The following MTRF1 variants were observed in gnomAD, a reference collection of about 807,000 sequenced individuals.
The protein encoded by MTRF1 is mitochondrial translation release factor 1.
MTRF1 carries 51 observed loss-of-function variants against 62.9 expected under a neutral mutation model. The ratio of observed to expected loss-of-function variants is 0.81; its 90% CI spans 0.65 to 1.02. The LOEUF (loss-of-function observed/expected upper bound fraction) is 1.02, where lower values mean the gene tolerates loss of function less well. Among genes scored for constraint, MTRF1 ranks in the 50% least tolerant of loss-of-function variants. The pLI, the probability that MTRF1 is intolerant of heterozygous loss-of-function variation, is 0.00. For synonymous variants in MTRF1, 158 were observed against 181.9 expected (o/e 0.87, Z 1.06); for missense variants, 446 against 530.0 (o/e 0.84, Z 1.56).
At chr13:41,296,563 G>C in the MTRF1 span, among the ~76,000 whole-genome samples, 3 of 152,032 alleles carry the variant, frequency 2.0e-5, no homozygotes, top group Non-Finnish European at 4.4e-5. Context: ...AAATTGTACG[G>C]TAGGCATTGT....
At chr13:41,240,170 A>C in intron 6 of MTRF1, 91 bp downstream of exon 6, 2 of 1,381,964 alleles carry the variant, frequency 1.4e-6, no homozygotes, top group Non-Finnish European at 2.0e-6. Flanking sequence ...CTCAAAAAAA[A>C]AAAAAAGGAC....
At chr13:41,297,209 T>C in the MTRF1 span, among the ~76,000 whole-genome samples, 1 of 152,274 alleles carries the variant, frequency 6.6e-6, no homozygotes, top group South Asian at 2.1e-4. Flanking sequence ...TGCTGATTCT[T>C]TTTGTATTTT....
chr13:41,258,080 A>G (rs2039962102), intron 2 of MTRF1, among the ~76,000 whole-genome samples: 1 of 152,240 alleles, frequency 6.6e-6, no homozygotes, highest in African/African-American at 2.4e-5. Context: ...CTTCTACTAT[A>G]CACAAGCAAC....
chr13:41,289,526 G>A, the MTRF1 span, among the ~76,000 whole-genome samples: 3 of 152,112 alleles, frequency 2.0e-5, no homozygotes, highest in Non-Finnish European at 4.4e-5. Context: ...GTGAGCCGCC[G>A]TGCCCAGCCG....
the MTRF1 span, among the ~76,000 whole-genome samples, chr13:41,275,498 CTTT>C: frequency 1.4e-4 from 20 of 139,282 alleles, no homozygotes; most frequent in African/African-American, 4.7e-4. Context: ...CCGTGCCCGG[CTTT>C]TTTTTTTTGA....
chr13:41,311,312 G>A, the MTRF1 span: 1 of 551,624 alleles, frequency 1.8e-6, no homozygotes, highest in Non-Finnish European at 3.2e-6. Flanking sequence ...AAAAAGCGGA[G>A]CCCAGGGGAA....
chr13:41,266,178 C>T (rs2040835791), upstream of MTRF1, among the ~76,000 whole-genome samples: 1 of 151,468 alleles, frequency 6.6e-6, no homozygotes, highest in African/African-American at 2.4e-5. Flanking sequence ...ATGGGGGTCT[C>T]ACTATGTTGA....
chr13:41,291,727 T>A, the MTRF1 span, among the ~76,000 whole-genome samples: 22 of 152,226 alleles, frequency 1.4e-4, no homozygotes, highest in African/African-American at 5.3e-4. Context: ...ACAGAACAGC[T>A]ACAGAACAAG....
At chr13:41,219,513 C>A (rs2032753730) in intron 9 of MTRF1, among the ~76,000 whole-genome samples, 1 of 151,790 alleles carries the variant, frequency 6.6e-6, no homozygotes, top group African/African-American at 2.4e-5. Context: ...TAGACAAATA[C>A]ATAAGCATCA....
chr13:41,249,429 T>C (rs2038732073), intron 5 of MTRF1, among the ~76,000 whole-genome samples: 1 of 151,524 alleles, frequency 6.6e-6, no homozygotes, highest in Admixed American at 6.6e-5. Context: ...TAGTCCCAGC[T>C]ACTCAGGAGG....
chr13:41,290,583 T>TG, the MTRF1 span, among the ~76,000 whole-genome samples: 1 of 137,508 alleles, frequency 7.3e-6, no homozygotes, highest in Non-Finnish European at 1.6e-5. Flanking sequence ...TTAGTAGAGA[T>TG]GGGGTTTCAC....
intron 1 of MTRF1, 106 bp downstream of exon 1, chr13:41,263,379 G>C (rs547361219): frequency 3.7e-6 from 4 of 1,074,282 alleles, no homozygotes; most frequent in Non-Finnish European, 5.0e-6. Context: ...CAGCCCGCGG[G>C]GCAGCAGCAC....
chr13:41,268,724 CAA>C, the MTRF1 span, among the ~76,000 whole-genome samples: 7 of 152,182 alleles, frequency 4.6e-5, no homozygotes, highest in African/African-American at 1.4e-4. Context: ...AAACCAAAAA[CAA>C]GATGCAATAA....
the MTRF1 span, among the ~76,000 whole-genome samples, chr13:41,292,077 A>C: frequency 6.6e-6 from 1 of 152,182 alleles, no homozygotes; most frequent in Non-Finnish European, 1.5e-5. Context: ...CAAAACAAAA[A>C]CAAAAACAAA....
At chr13:41,305,267 A>C in the MTRF1 span, among the ~76,000 whole-genome samples, 1 of 152,180 alleles carries the variant, frequency 6.6e-6, no homozygotes, top group Admixed American at 6.5e-5. Flanking sequence ...TATGTTGTCC[A>C]GGTTGGTTTT....
chr13:41,231,878 CAA>C (rs57305711), intron 7 of MTRF1, among the ~76,000 whole-genome samples: 2,633 of 104,082 alleles, frequency 0.025, 80 homozygotes, highest in African/African-American at 0.085. Context: ...TGGTGTCTAC[CAA>C]AAAAAAAAAA....
the MTRF1 span, among the ~76,000 whole-genome samples, chr13:41,305,382 C>A: frequency 6.6e-6 from 1 of 152,134 alleles, no homozygotes; most frequent in Admixed American, 6.5e-5. Context: ...AAAATTAAAT[C>A]ATCAGATCAT....
intron 7 of MTRF1, among the ~76,000 whole-genome samples, chr13:41,227,968 T>G (rs2034768105): frequency 6.6e-6 from 1 of 152,212 alleles, no homozygotes; most frequent in South Asian, 2.1e-4. Context: ...TCTCGTATCC[T>G]TTTTGTACTA....
chr13:41,286,282 T>C, the MTRF1 span, among the ~76,000 whole-genome samples: 69 of 152,250 alleles, frequency 4.5e-4, no homozygotes, highest in African/African-American at 1.6e-3. Flanking sequence ...CCAAGATACA[T>C]AAAAGGATCT....
Sources: gnomAD v4.1 joint callset for allele counts (sites outside exome capture counted in the v4.1 genomes callset) on GRCh38, gnomAD v4.1.1 for gene constraint, MANE v1.5 for transcripts, NCBI Gene and HGNC (gene_info 2026-07-23, HGNC 2026-07-21) for gene names.